SST: variants seen among roughly 807,000 people sequenced by gnomAD.
SST encodes the protein growth hormone release-inhibiting factor.
In SST, 7 loss-of-function variants were observed where a neutral mutation model predicts 10.4. The observed-to-expected ratio is 0.67, with a 90% CI of 0.38 to 1.26. The LOEUF is 1.26. Among genes scored for constraint, SST ranks in the 50% most tolerant of loss-of-function variants. SST has a pLI of 0.02. For synonymous variants in SST, 63 were observed against 63.9 expected (o/e 0.99, Z 0.07); for missense variants, 145 against 140.8 (o/e 1.03, Z -0.15).
intron 1 of SST, among the ~76,000 whole-genome samples, chr3:187,669,935 TG>T (rs1214050701): frequency 6.6e-6 from 1 of 152,198 alleles, no homozygotes; most frequent in Non-Finnish European, 1.5e-5. Flanking sequence ...AGAACTCACC[TG>T]AACTGTGACC....
chr3:187,670,130 G>C, intron 1 of SST, 24 bp downstream of exon 1: 1 of 1,572,788 alleles, frequency 6.4e-7, no homozygotes, highest in East Asian at 2.4e-5. Context: ...GAGAATCCGG[G>C]AGACGTCGAG....
chr3:187,670,344 G>C lies in SST; in HGVS notation c.-53C>G. On this transcript the variant is annotated 5_prime_UTR_variant, in exon 1 of 2. It adds an upstream start codon to the 5' untranslated region. Transcript: ENST00000287641. Reference sequence around the variant, plus strand: ...AGTGGCTGGTCAAACTCTAGGCGCGGATCAGCAGGCAGCAGCGATGGCTCC... The same window carrying C: ...AGTGGCTGGTCAAACTCTAGGCGCGCATCAGCAGGCAGCAGCGATGGCTCC... 3 of 1,530,924 alleles carry C rather than the reference G, an allele frequency of 2.0e-6. No individual in the cohort carries two copies. Among genetic ancestry groups the C allele is most frequent in the South Asian group, 2.4e-5 (2 of 83,006 alleles). 94.8% of individuals were successfully genotyped at this position (1,530,924 alleles called of 1,614,324 possible). A position where few individuals can be genotyped will look rare whatever the true frequency, so the allele number is the denominator to read the frequency against.
chr3:187,668,973 G>T lies in SST; in HGVS notation c.*92C>A. On this transcript the variant is annotated 3_prime_UTR_variant, in exon 2 of 2. Transcript: ENST00000287641. ...ACAGTTTTCAGTTTCTAATGCAAGG[G>T]TCTCGCTGAAGACTTGGAGGATTAG... The T allele has an allele frequency of 1.7e-6, 2 of 1,152,154 alleles. No individual in the cohort carries two copies. Among genetic ancestry groups the T allele is most frequent in the Non-Finnish European group, 1.3e-6 (1 of 767,732 alleles). 71.4% of individuals were successfully genotyped at this position (1,152,154 alleles called of 1,614,324 possible). A position where few individuals can be genotyped will look rare whatever the true frequency, so the allele number is the denominator to read the frequency against.
rs1579766573 is a variant in SST at position 187,670,389 on chromosome 3, G to T, written c.-98C>A. The T allele has an allele frequency of 1.4e-6, 2 of 1,393,012 alleles. No homozygotes were observed. Among genetic ancestry groups the T allele is most frequent in the East Asian group, 2.5e-5 (1 of 39,804 alleles). 86.3% of individuals were successfully genotyped at this position (1,393,012 alleles called of 1,614,324 possible). A position where few individuals can be genotyped will look rare whatever the true frequency, so the allele number is the denominator to read the frequency against. On this transcript the variant is annotated 5_prime_UTR_variant, in exon 1 of 2. Transcript: ENST00000287641. ...GGCTCCGAACCTCGCTCCTAAAGCGGCTTGTGTGCTCTCAACCGTCTCCCT... is the reference window on the plus strand; with the variant it reads ...GGCTCCGAACCTCGCTCCTAAAGCGTCTTGTGTGCTCTCAACCGTCTCCCT...
At chr3:187,669,587 T>TA (rs971965854) in intron 1 of SST, among the ~76,000 whole-genome samples, 1 of 138,556 alleles carries the variant, frequency 7.2e-6, no homozygotes, top group Non-Finnish European at 1.6e-5. Flanking sequence ...CACACACACA[T>TA]AAAGACCGTT....
Position 187,669,003 on chromosome 3 carries a change from G to T in SST, c.*62C>A, listed in dbSNP as rs527518468. 11 of 1,483,086 alleles carry T rather than the reference G, an allele frequency of 7.4e-6. No individual in the cohort carries two copies. In the African/African-American group the frequency reaches 1.4e-4, roughly 19 times the overall value. 91.9% of individuals were successfully genotyped at this position (1,483,086 alleles called of 1,614,324 possible). ...GCTGAAGACTTGGAGGATTAGGGAAGAGAGATGGGGTGTGGGGGCGAGGGA... is the reference window on the plus strand; with the variant it reads ...GCTGAAGACTTGGAGGATTAGGGAATAGAGATGGGGTGTGGGGGCGAGGGA... On this transcript the variant is annotated 3_prime_UTR_variant, in exon 2 of 2. Transcript: ENST00000287641.
chr3:187,669,166 G>T lies in SST; in HGVS notation c.250C>A (p.Leu84Ile). ...GAGTTAGCAGATCTCTGCAGCTCAA[G>T]CCTCATTTCATCCTGCTCAGCAGCC... ...SQAAEQDEMR[L>I]ELQRSANSNP... is the part of the protein sequence containing the mutation. Residue 84 changes from leucine to isoleucine, a missense_variant, in exon 2 of 2, where the codon CTT (leucine) becomes ATT (isoleucine). Physicochemically the swap from Leu to Ile is conservative, Grantham distance 5 (BLOSUM62 2). Coordinates refer to ENST00000287641, the MANE Select transcript of SST (RefSeq NM_001048.4). 6.2e-7 allele frequency: 1 copy of T among 1,614,022 alleles called. No individual in the cohort carries two copies. The highest frequency in any genetic ancestry group is 8.5e-7 in the Non-Finnish European group (1 of 1,180,034).
Position 187,669,030 on chromosome 3 carries a change from C to G in SST, c.*35G>C, listed in dbSNP as rs753153483. ...GAGATGGGGTGTGGGGGCGAGGGAT[C>G]AGAGGTCTGATATGGACAATACTAG... is the stretch of plus-strand genomic sequence containing the variant. On this transcript the variant is annotated 3_prime_UTR_variant, in exon 2 of 2. Transcript: ENST00000287641. 10 of 1,604,582 alleles carry G rather than the reference C, an allele frequency of 6.2e-6. No individual in the cohort carries two copies. In the Admixed American group the frequency reaches 6.7e-5, roughly 11 times the overall value.
intron 1 of SST, among the ~76,000 whole-genome samples, chr3:187,669,802 T>C (rs1302067155): frequency 1.3e-5 from 2 of 152,282 alleles, no homozygotes; most frequent in African/African-American, 4.8e-5. Context: ...GGTAGCAGCT[T>C]CAGAGGTCTG....
chr3:187,670,389 G>A lies in SST; in HGVS notation c.-98C>T, dbSNP rs1579766573. 1.4e-6 allele frequency: 2 copies of A among 1,392,894 alleles called. No individual in the cohort carries two copies. The highest frequency in any genetic ancestry group is 1.9e-6 in the Non-Finnish European group (2 of 1,037,240). 86.3% of individuals were successfully genotyped at this position (1,392,894 alleles called of 1,614,324 possible). ...GGCTCCGAACCTCGCTCCTAAAGCG[G>A]CTTGTGTGCTCTCAACCGTCTCCCT... is the stretch of plus-strand genomic sequence containing the variant. On this transcript the variant is annotated 5_prime_UTR_variant, in exon 1 of 2. Transcript: ENST00000287641.
In SST at chr3:187,669,120, C is replaced by T. The variant is rs749537579; in HGVS notation, c.296G>A (p.Arg99Gln). ...SANSNPAMAP[R>Q]ERKAGCKNFF... is the part of the protein sequence containing the mutation. ...ATTCTTGCAGCCAGCTTTGCGTTCTCGGGGTGCCATAGCCGGGTTTGAGTT... is the reference window on the plus strand; with the variant it reads ...ATTCTTGCAGCCAGCTTTGCGTTCTTGGGGTGCCATAGCCGGGTTTGAGTT... Residue 99 changes from arginine to glutamine, a missense_variant, in exon 2 of 2, where the codon CGA (arginine) becomes CAA (glutamine). Transcript: ENST00000287641. The T allele has an allele frequency of 3.7e-6, 6 of 1,613,768 alleles. No individual in the cohort carries two copies. The highest frequency in any genetic ancestry group is 1.1e-5 in the South Asian group (1 of 91,056).
intron 1 of SST, 75 bp downstream of exon 1, chr3:187,670,079 G>A (rs1717200772): frequency 4.0e-6 from 6 of 1,490,552 alleles, no homozygotes; most frequent in Non-Finnish European, 5.4e-6. Context: ...CATCCCTTAC[G>A]TCCAAACCAA....
At position 187,669,200 on chromosome 3, in the gene SST, A is replaced by G. The variant is rs778631082; in HGVS notation, c.216T>C (p.Asp72=). Residue 72 remains aspartate (D), a synonymous_variant, in exon 2 of 2, where the codon GAT becomes GAC. Coordinates refer to ENST00000287641, the MANE Select transcript of SST (RefSeq NM_001048.4). ...CATCCTGCTCAGCAGCCTGGGACAG[A>G]TCTTCAGGTTCCAGGGCATCATTCT... The part of the protein sequence containing the change: ...QTENDALEPE[D]LSQAAEQDEM... 100 of 1,613,918 alleles carry G rather than the reference A, an allele frequency of 6.2e-5. No homozygotes were observed. In the Middle Eastern group the frequency reaches 6.6e-4, roughly 11 times the overall value.
In SST at chr3:187,669,531, CACACACACACACACACACACACGCACAA is replaced by C. The variant is rs1480309229; in HGVS notation, c.139-282_139-255del. ...AACCTTTCTGTCCCTGTAGACTTAA[CACACACACACACACACACACACGCACAA>C]ACACACACACACACACACACACACA... On this transcript the variant is annotated intron_variant, in intron 1 of 1. Coordinates refer to ENST00000287641, the MANE Select transcript of SST (RefSeq NM_001048.4). 7.7e-4 allele frequency among the ~76,000 whole-genome samples: 102 copies of C among 132,750 alleles called. 1 individual carries two copies. The highest frequency in any genetic ancestry group is 2.9e-3 in the African/African-American group (93 of 32,548). 87.1% of individuals were successfully genotyped at this position (132,750 alleles called of 152,430 possible).
chr3:187,669,559 AACACACACAC>A lies in SST; in HGVS notation c.139-292_139-283del, dbSNP rs58680547. Among the ~76,000 whole-genome samples the A allele has an allele frequency of 6.9e-5, 10 of 145,318 alleles. 1 individual carries two copies. The South Asian group carries it at 1.3e-3, about 19-fold the overall frequency. On this transcript the variant is annotated intron_variant, in intron 1 of 1. Transcript: ENST00000287641. ...ACACACACACACACACACACGCACA[AACACACACAC>A]ACACACACACACACACATAAAGACC...
chr3:187,670,030 G>C (rs1717200044), intron 1 of SST, 124 bp downstream of exon 1: 1 of 1,053,608 alleles, frequency 9.5e-7, no homozygotes, highest in African/African-American at 1.6e-5. Context: ...GGGAGCTGAG[G>C]GACCCAGAAA....
In SST at chr3:187,669,285, G is replaced by A; in HGVS notation, c.139-8C>T. ...GAAGTACTTGGCCAGTTCCTGTATA[G>A]GGCAGAAGGGATAGAAAAAGAGAGA... On this transcript the variant is annotated splice_region_variant and splice_polypyrimidine_tract_variant and intron_variant, in intron 1 of 1. Coordinates refer to ENST00000287641, the MANE Select transcript of SST (RefSeq NM_001048.4). 1 of 1,612,350 alleles carries A rather than the reference G, an allele frequency of 6.2e-7. No homozygotes were observed. The highest frequency in any genetic ancestry group is 1.1e-5 in the South Asian group (1 of 91,032).
In SST at chr3:187,668,927, C is replaced by T; in HGVS notation, c.*138G>A. 1.3e-6 allele frequency: 1 copy of T among 793,516 alleles called. No homozygotes were observed. The allele number at this position is 793,516 out of a possible 1,614,324, so 49.2% of individuals were successfully genotyped here. On this transcript the variant is annotated 3_prime_UTR_variant, in exon 2 of 2. Transcript: ENST00000287641. ...CAAATTCACATTTTTCATAATTTCA[C>T]CATAATTTTATTTTGTATTTACAGT...
At position 187,670,198 on chromosome 3, in the gene SST, G is replaced by T; in HGVS notation, c.94C>A (p.Arg32Ser). ...GCCAGGGACTTCTGCAGAAACTGACGGAGTCTGGGGTCCGAGGGAGCGCCG... is the reference window on the plus strand; with the variant it reads ...GCCAGGGACTTCTGCAGAAACTGACTGAGTCTGGGGTCCGAGGGAGCGCCG... ...VTGAPSDPRL[R>S]QFLQKSLAAA... is the part of the protein sequence containing the mutation. Residue 32 changes from arginine (R) to serine (S), a missense_variant, in exon 1 of 2, where the codon CGT becomes AGT. Physicochemically the swap from Arg to Ser is moderately radical, Grantham distance 110. Transcript: ENST00000287641. 6.3e-7 allele frequency: 1 copy of T among 1,595,102 alleles called. No homozygotes were observed. Among genetic ancestry groups the T allele is most frequent in the Non-Finnish European group, 8.5e-7 (1 of 1,171,046 alleles).
Sources: gnomAD v4.1 joint callset for allele counts (sites outside exome capture counted in the v4.1 genomes callset) on GRCh38, gnomAD v4.1.1 for gene constraint, MANE v1.5 for transcripts, NCBI Gene and HGNC (gene_info 2026-07-23, HGNC 2026-07-21) for gene names.